Variants in NFATC2IP observed in about 807,000 individuals in gnomAD.
The protein encoded by NFATC2IP is NFATC2-interacting protein.
In NFATC2IP, 25 loss-of-function variants were observed where a neutral mutation model predicts 40.2. The observed-to-expected ratio is 0.62, with a 90% CI of 0.45 to 0.87. NFATC2IP has a LOEUF of 0.87. NFATC2IP is among the 40% of genes least tolerant of loss of function. The pLI is 0.00. For synonymous variants in NFATC2IP, 241 were observed against 236.3 expected, an observed-to-expected ratio of 1.02 and a Z score of -0.18; for missense variants, 553 against 555.6, an observed-to-expected ratio of 1.00 and a Z score of 0.05.
chr16:28,962,191 C>T (rs1401441688), intron 7 of NFATC2IP, among the ~76,000 whole-genome samples: 2 of 152,194 alleles, frequency 1.3e-5, no homozygotes, highest in East Asian at 3.9e-4. Flanking sequence ...CAGGCATGAG[C>T]CACTGCACCT....
At chr16:28,953,751 C>G (rs1163832561) in intron 2 of NFATC2IP, among the ~76,000 whole-genome samples, 1 of 151,918 alleles carries the variant, frequency 6.6e-6, no homozygotes, top group Admixed American at 6.6e-5. Flanking sequence ...GACCCTGTTT[C>G]TACAGAAAAA....
rs759134066 is a variant in NFATC2IP, at chr16:28,951,072, G to T, written c.61G>T (p.Gly21Cys). 45 of 1,543,688 alleles carry T rather than the reference G, an allele frequency of 2.9e-5. No individual in the cohort carries two copies. Among genetic ancestry groups the T allele is most frequent in the Non-Finnish European group, 3.8e-5 (43 of 1,144,432 alleles). ...WSGGSGAGRGGRGGWGGRGRR... is the reference protein window; with the variant it reads ...WSGGSGAGRGCRGGWGGRGRR... Reference sequence around the variant, plus strand: ...CGGAGGTAGCGGTGCCGGCCGAGGGGGTCGGGGCGGCTGGGGCGGTCGGGG... The same window carrying T: ...CGGAGGTAGCGGTGCCGGCCGAGGGTGTCGGGGCGGCTGGGGCGGTCGGGG... Residue 21 changes from glycine (G) to cysteine (C), a missense_variant, in exon 1 of 8, where the codon GGT becomes TGT. By Grantham distance (159) the Gly-to-Cys change is radical. Transcript: ENST00000320805.
chr16:28,952,816 C>G (rs530027666), intron 2 of NFATC2IP, among the ~76,000 whole-genome samples: 19 of 151,470 alleles, frequency 1.3e-4, no homozygotes, highest in Non-Finnish European at 2.8e-4. Context: ...GATCTCGGCT[C>G]GCTGCAACCT....
At chr16:28,951,448 C>T (rs1195592012) in intron 1 of NFATC2IP, 50 bp downstream of exon 1, 8 of 1,339,566 alleles carry the variant, frequency 6.0e-6, no homozygotes, top group Non-Finnish European at 7.6e-6. Context: ...AGGGCTTGGC[C>T]TCCAGGGAGG....
chr16:28,964,047 A>T lies in NFATC2IP; in HGVS notation c.*184A>T, dbSNP rs555261934. 16 of 602,408 alleles carry T rather than the reference A, an allele frequency of 2.7e-5. No homozygotes were observed. In the African/African-American group the frequency reaches 3.0e-4, roughly 11 times the overall value. 37.3% of individuals were successfully genotyped at this position (602,408 alleles called of 1,614,324 possible). A position where few individuals can be genotyped will look rare whatever the true frequency, so the allele number is the denominator to read the frequency against. ...AGAGCCGTTAACCACTTGGTGAGTT[A>T]TGTGGGTGTTGTTGCCCTGGGTGGC... On this transcript the variant is annotated 3_prime_UTR_variant, in exon 8 of 8. Coordinates refer to ENST00000320805, the MANE Select transcript of NFATC2IP (RefSeq NM_032815.4).
chr16:28,958,849 G>A lies in NFATC2IP; in HGVS notation c.979G>A (p.Ala327Thr). ...ATPRTLKLGV[A>T]DIIDCVVLTS... ...TCCCAGGACCCTAAAGCTCGGAGTGGCTGACATCATTGGTGAGAGGAAGGC... is the reference window on the plus strand; with the variant it reads ...TCCCAGGACCCTAAAGCTCGGAGTGACTGACATCATTGGTGAGAGGAAGGC... The change falls in exon 6 of 8, where the codon GCT (alanine) becomes ACT (threonine). Residue 327 changes from alanine to threonine, a missense_variant. Coordinates refer to ENST00000320805, the MANE Select transcript of NFATC2IP (RefSeq NM_032815.4). The A allele has an allele frequency of 6.2e-7, 1 of 1,613,938 alleles. No individual in the cohort carries two copies. The highest frequency in any genetic ancestry group is 8.5e-7 in the Non-Finnish European group (1 of 1,179,920).
rs1247893892 is a variant in NFATC2IP at position 28,963,159 on chromosome 16, G to A, written c.1102-546G>A. Among the ~76,000 whole-genome samples the A allele has an allele frequency of 2.6e-5, 4 of 152,284 alleles. No individual in the cohort carries two copies. In the East Asian group the frequency reaches 5.8e-4, roughly 22 times the overall value. On this transcript the variant is annotated intron_variant, in intron 7 of 7. Transcript: ENST00000320805. ...TACCAGTCCCACGGCATTAGCACTC[G>A]TCCCAATCCAGTACAACCTCAACTT...
At position 28,965,349 on chromosome 16, in the gene NFATC2IP, G is replaced by C. The variant is rs1371601650; in HGVS notation, c.*1486G>C. On this transcript the variant is annotated 3_prime_UTR_variant, in exon 8 of 8. Coordinates refer to ENST00000320805, the MANE Select transcript of NFATC2IP (RefSeq NM_032815.4). The stretch of plus-strand genomic sequence containing the variant: ...GGTTCACTGGTAATCCCAGCACTTT[G>C]GGAGGCCCAGGCAGAAGGATCGCTG... The C allele has an allele frequency of 6.6e-6, 1 of 151,928 alleles. No homozygotes were observed. Among genetic ancestry groups the C allele is most frequent in the Non-Finnish European group, 1.5e-5 (1 of 68,004 alleles). The allele number at this position is 151,928 out of a possible 1,614,324, so 9.4% of individuals were successfully genotyped here. A position where few individuals can be genotyped will look rare whatever the true frequency, so the allele number is the denominator to read the frequency against.
At chr16:28,956,971 A>G (rs886080652) in intron 5 of NFATC2IP, 3 of 152,200 alleles carry the variant, frequency 2.0e-5, no homozygotes. Flanking sequence ...CTGGCAGCCC[A>G]TGGCTTTTCC....
At chr16:28,959,403 G>T (rs1052227850) in intron 7 of NFATC2IP, among the ~76,000 whole-genome samples, 2 of 151,948 alleles carry the variant, frequency 1.3e-5, no homozygotes, top group Admixed American at 6.6e-5. Flanking sequence ...AACAATGAAG[G>T]CCACACGGCT....
intron 7 of NFATC2IP, among the ~76,000 whole-genome samples, chr16:28,963,014 C>T (rs1965104815): frequency 6.6e-6 from 1 of 152,224 alleles, no homozygotes; most frequent in African/African-American, 2.4e-5. Flanking sequence ...GAAACTGTCT[C>T]TACCAAAAAT....
In NFATC2IP at chr16:28,963,757, C is replaced by T. The variant is rs1040277099; in HGVS notation, c.1154C>T (p.Ser385Leu). ...MSHYEEAMGLSGRKLSFFFDG... is the reference protein window; with the variant it reads ...MSHYEEAMGLLGRKLSFFFDG... ...CACTATGAGGAGGCCATGGGACTGT[C>T]GGGACGGAAGCTCTCCTTCTTCTTT... The change falls in exon 8 of 8, where the codon TCG becomes TTG. Residue 385 changes from serine to leucine, a missense_variant. Ser to Leu is a moderately radical substitution (Grantham distance 145). Coordinates refer to ENST00000320805, the MANE Select transcript of NFATC2IP (RefSeq NM_032815.4). 8.7e-6 allele frequency: 14 copies of T among 1,613,980 alleles called. No individual in the cohort carries two copies. Among genetic ancestry groups the T allele is most frequent in the South Asian group, 3.3e-5 (3 of 91,088 alleles).
intron 7 of NFATC2IP, among the ~76,000 whole-genome samples, chr16:28,961,650 C>T (rs1965088466): frequency 6.6e-6 from 1 of 151,956 alleles, no homozygotes; most frequent in Admixed American, 6.6e-5. Flanking sequence ...CCTGTAATCC[C>T]AGCACTTTGG....
Position 28,954,647 on chromosome 16 carries a change from T to G in NFATC2IP, c.543T>G (p.Thr181=), listed in dbSNP as rs541978704. ...CTCCCTGGAAGACAAAGCTGAGGAC[T>G]AAGGATAAAGAAGAGAAGAAAAAGA... The part of the protein sequence containing the change: ...PGSPWKTKLR[T]KDKEEKKKTE... Residue 181 remains threonine, a synonymous_variant, in exon 3 of 8, where the codon ACT becomes ACG. Transcript: ENST00000320805. 4.3e-6 allele frequency: 7 copies of G among 1,613,646 alleles called. No homozygotes were observed. The East Asian group carries it at 6.7e-5, about 15-fold the overall frequency.
At chr16:28,954,865 G>A (rs1965004112) in intron 3 of NFATC2IP, among the ~76,000 whole-genome samples, 183 bp downstream of exon 3, 1 of 152,144 alleles carries the variant, frequency 6.6e-6, no homozygotes, top group African/African-American at 2.4e-5. Context: ...GAGGGTGACA[G>A]TGAACCCTTC....
chr16:28,951,707 C>T (rs1023690476), intron 1 of NFATC2IP, among the ~76,000 whole-genome samples: 4 of 151,814 alleles, frequency 2.6e-5, no homozygotes, highest in Non-Finnish European at 4.4e-5. Flanking sequence ...GACCTGGGGC[C>T]GTTGGATTTT....
intron 3 of NFATC2IP, among the ~76,000 whole-genome samples, chr16:28,955,148 C>T (rs1248985477): frequency 6.6e-6 from 1 of 152,046 alleles, no homozygotes; most frequent in Non-Finnish European, 1.5e-5. Flanking sequence ...GAGCCATGAT[C>T]GTGCCACTAT....
chr16:28,958,647 TG>T (rs1965048467), intron 5 of NFATC2IP, 69 bp from the exon 6 acceptor site: 1 of 1,319,848 alleles, frequency 7.6e-7, no homozygotes, highest in Non-Finnish European at 1.1e-6. Context: ...AGCTTGTGTT[TG>T]GGTGGTGTGG....
intron 5 of NFATC2IP, chr16:28,958,343 C>T (rs998217992): frequency 1.9e-5 from 3 of 155,318 alleles, no homozygotes; most frequent in African/African-American, 5.0e-5. Flanking sequence ...TTAACAAGAG[C>T]GAAACTCCGT....
Sources: gnomAD v4.1 joint callset for allele counts (sites outside exome capture counted in the v4.1 genomes callset) on GRCh38, gnomAD v4.1.1 for gene constraint, MANE v1.5 for transcripts, NCBI Gene and HGNC (gene_info 2026-07-23, HGNC 2026-07-21) for gene names.